TSPEAR: variants seen among roughly 807,000 people sequenced by gnomAD.
The protein encoded by TSPEAR is thrombospondin-type laminin G domain and EAR repeat-containing protein.
Under a neutral mutation model 71.6 loss-of-function variants are expected in TSPEAR, and 69 were observed. The ratio of observed to expected loss-of-function variants is 0.96; its 90% CI spans 0.79 to 1.18. The LOEUF is 1.18. Ranked by LOEUF, TSPEAR falls within the 50% of genes most tolerant of loss-of-function variation. The probability of loss-of-function intolerance (pLI) is 0.00; values close to 1 mark genes in which losing one functional copy is unlikely to be tolerated. For missense variants in TSPEAR, 971 were observed against 894.9 expected (o/e 1.09, Z -1.09); for synonymous variants, 402 against 387.2 (o/e 1.04, Z -0.45).
intron 1 of TSPEAR, among the ~76,000 whole-genome samples, chr21:44,637,115 T>C (rs2838601): frequency 0.78 from 118,153 of 152,056 alleles, 46,341 homozygotes; most frequent in African/African-American, 0.89. Flanking sequence ...CCCAGAGAGG[T>C]CACACCTTCC....
chr21:44,638,974 A>T (rs1555937922), intron 1 of TSPEAR, among the ~76,000 whole-genome samples: 1 of 151,654 alleles, frequency 6.6e-6, no homozygotes, highest in African/African-American at 2.4e-5. Flanking sequence ...CATTGGGACC[A>T]CGCCCTCCCC....
At chr21:44,522,750 G>A (rs17004660) in intron 8 of TSPEAR, among the ~76,000 whole-genome samples, 6,078 of 152,326 alleles carry the variant, frequency 0.04, 419 homozygotes, top group African/African-American at 0.14. Context: ...CACAAGGCGG[G>A]ACAGCTGCCT....
intron 1 of TSPEAR, among the ~76,000 whole-genome samples, chr21:44,578,079 G>A (rs1376710996): frequency 6.6e-6 from 1 of 152,182 alleles, no homozygotes; most frequent in African/African-American, 2.4e-5. Context: ...CCATGATTGT[G>A]AGGCCTCCTC....
rs1276257441 is a variant in TSPEAR at position 44,687,903 on chromosome 21, C to T, written c.82+23530G>A. Among the ~76,000 whole-genome samples the T allele has an allele frequency of 6.6e-6, 1 of 152,218 alleles. No homozygotes were observed. Among genetic ancestry groups the T allele is most frequent in the East Asian group, 1.9e-4 (1 of 5,206 alleles). On this transcript the variant is annotated intron_variant, in intron 1 of 11. Transcript: ENST00000323084. The surrounding 1 kb of genome is among the most constrained non-coding windows in gnomAD (Gnocchi z 4.4). ...GTGAAGTGTGCGGTTGCTGCACCTTCCCCTGCAGTGCCTGTGAAATATGAT... is the reference window on the plus strand; with the variant it reads ...GTGAAGTGTGCGGTTGCTGCACCTTTCCCTGCAGTGCCTGTGAAATATGAT...
chr21:44,637,592 C>T, intron 1 of TSPEAR: 1 of 1,613,918 alleles, frequency 6.2e-7, no homozygotes, highest in South Asian at 1.1e-5. Flanking sequence ...GGCCTGTGAG[C>T]CCAGCGCCTG....
chr21:44,517,556 GACTGGC>G (rs2052617428), intron 9 of TSPEAR: 2 of 346,444 alleles, frequency 5.8e-6, no homozygotes, highest in South Asian at 4.3e-5. Context: ...TGGGACATGT[GACTGGC>G]ACTGGCCCAT....
At chr21:44,562,724 T>C (rs1462701844) in intron 2 of TSPEAR, among the ~76,000 whole-genome samples, 1 of 152,062 alleles carries the variant, frequency 6.6e-6, no homozygotes, top group Non-Finnish European at 1.5e-5. Flanking sequence ...ACATTCAAAG[T>C]GCTCAAAGAA....
At chr21:44,671,652 C>T (rs1398412991) in intron 1 of TSPEAR, among the ~76,000 whole-genome samples, 2 of 152,156 alleles carry the variant, frequency 1.3e-5, no homozygotes, top group African/African-American at 4.8e-5. Flanking sequence ...AGAATCATAG[C>T]TAAAGTATTC....
chr21:44,568,072 A>C, intron 1 of TSPEAR, 67 bp from the exon 2 acceptor site: 1 of 1,271,820 alleles, frequency 7.9e-7, no homozygotes. Flanking sequence ...CATAACAGCC[A>C]ACATGTATGG....
chr21:44,702,237 C>T (rs1055310306), intron 1 of TSPEAR: 174 of 1,601,600 alleles, frequency 1.1e-4, no homozygotes, highest in Admixed American at 1.0e-4. Flanking sequence ...GTGCTTCCAC[C>T]AACTCCTGGC....
At chr21:44,671,082 A>C (rs1986034862) in intron 1 of TSPEAR, among the ~76,000 whole-genome samples, 1 of 152,086 alleles carries the variant, frequency 6.6e-6, no homozygotes, top group Non-Finnish European at 1.5e-5. Context: ...GGTCCCCCCC[A>C]ACCCATTCTA....
intron 1 of TSPEAR, among the ~76,000 whole-genome samples, chr21:44,659,855 A>T (rs1555943341): frequency 6.6e-6 from 1 of 152,258 alleles, no homozygotes; most frequent in Admixed American, 6.5e-5. Context: ...TACAATAACT[A>T]TAATGAATAG....
chr21:44,578,835 C>G (rs1428613948), intron 1 of TSPEAR, among the ~76,000 whole-genome samples: 9 of 152,214 alleles, frequency 5.9e-5, no homozygotes, highest in African/African-American at 2.2e-4. Context: ...CCCATGTCAA[C>G]CTCACCTAAG....
Position 44,575,049 on chromosome 21 carries a change from G to A in TSPEAR, c.83-7044C>T, listed in dbSNP as rs192615079. On this transcript the variant is annotated intron_variant, in intron 1 of 11. Coordinates refer to ENST00000323084, the MANE Select transcript of TSPEAR (RefSeq NM_144991.3). The stretch of plus-strand genomic sequence containing the variant: ...CTGATGGACACGCCCCCCAGTGCCA[G>A]CCAGGCTCAGGTCCCACCTGAAAGC... 688 of 1,567,236 alleles carry A rather than the reference G, an allele frequency of 4.4e-4. 6 individuals carry two copies. In the East Asian group the frequency reaches 9.3e-3, roughly 21 times the overall value.
chr21:44,689,739 A>ATATATTTTTTTTTT (rs1555949531), intron 1 of TSPEAR, among the ~76,000 whole-genome samples: 1 of 128,172 alleles, frequency 7.8e-6, no homozygotes, highest in African/African-American at 3.2e-5. Flanking sequence ...ATATATATAT[A>ATATATTTTTTTTTT]TTTTGGGGGG....
chr21:44,511,013 CTG>C (rs1305809929), intron 9 of TSPEAR: 13 of 152,336 alleles, frequency 8.5e-5, no homozygotes, highest in African/African-American at 2.9e-4. Flanking sequence ...CAAGGGGACT[CTG>C]AGACACTCTG....
chr21:44,628,185 C>A, intron 1 of TSPEAR: 1 of 1,100,342 alleles, frequency 9.1e-7, no homozygotes, highest in Non-Finnish European at 1.3e-6. Flanking sequence ...GCCCCGGGGT[C>A]TCAGATGCTC....
intron 1 of TSPEAR, among the ~76,000 whole-genome samples, chr21:44,585,250 T>C (rs1282859972): frequency 6.6e-6 from 1 of 152,186 alleles, no homozygotes; most frequent in African/African-American, 2.4e-5. Context: ...CCCTCCACCT[T>C]AGTAGAGGTT....
At position 44,612,740 on chromosome 21, in the gene TSPEAR, C is replaced by A; in HGVS notation, c.83-44735G>T. Reference sequence around the variant, plus strand: ...CTCCTCCTCCGTGTCCCTCCTCTGCCGCCCTGTGTGCCGGCCTGCCTGCTG... The same window carrying A: ...CTCCTCCTCCGTGTCCCTCCTCTGCAGCCCTGTGTGCCGGCCTGCCTGCTG... On this transcript the variant is annotated intron_variant, in intron 1 of 11. Coordinates refer to ENST00000323084, the MANE Select transcript of TSPEAR (RefSeq NM_144991.3). This position sits in a 1 kb window ranked among gnomAD's most constrained non-coding sequence, Gnocchi z 4.1. 6.2e-7 allele frequency: 1 copy of A among 1,613,788 alleles called. No individual in the cohort carries two copies. The highest frequency in any genetic ancestry group is 8.5e-7 in the Non-Finnish European group (1 of 1,179,920).
Sources: allele counts gnomAD v4.1 joint callset (sites outside exome capture counted in the v4.1 genomes callset), GRCh38; gene constraint gnomAD v4.1.1; non-coding constraint Gnocchi (gnomAD v3.1); transcripts MANE v1.5; gene names NCBI Gene and HGNC (gene_info 2026-07-23, HGNC 2026-07-21).